Variants in MYO16 observed in about 807,000 individuals in gnomAD.
The protein encoded by MYO16 is unconventional myosin-XVI.
A neutral mutation model predicts 205.3 loss-of-function variants in MYO16; 94 were observed. The observed-to-expected ratio is 0.46, with a 90% CI of 0.39 to 0.54. MYO16 has a LOEUF of 0.54. MYO16 is among the 20% of genes least tolerant of loss of function. MYO16 has a pLI of 0.00. For synonymous variants in MYO16, 988 were observed against 954.0 expected, an observed-to-expected ratio of 1.04 and a Z score of -0.66; for missense variants, 2,315 against 2,387.5, an observed-to-expected ratio of 0.97 and a Z score of 0.63.
intron 16 of MYO16, among the ~76,000 whole-genome samples, chr13:108,954,293 A>C (rs944340767): frequency 2.6e-5 from 4 of 152,196 alleles, no homozygotes; most frequent in Non-Finnish European, 4.4e-5. Context: ...ACAGGAGCCA[A>C]TTGTTATTTG....
At chr13:108,566,096 A>G in the MYO16 span, among the ~76,000 whole-genome samples, 1 of 152,024 alleles carries the variant, frequency 6.6e-6, no homozygotes, top group Non-Finnish European at 1.5e-5. Flanking sequence ...AAGTTTGAGT[A>G]TGATTAGTAT....
At chr13:108,508,283 C>T in the MYO16 span, among the ~76,000 whole-genome samples, 14 of 149,016 alleles carry the variant, frequency 9.4e-5, no homozygotes, top group Admixed American at 2.0e-4. Context: ...CTTTCTTAGT[C>T]TTTATGGACT....
chr13:109,013,247 C>T (rs1290693917), intron 22 of MYO16, among the ~76,000 whole-genome samples: 2 of 151,726 alleles, frequency 1.3e-5, no homozygotes, highest in East Asian at 3.9e-4. Flanking sequence ...ATAGTTTGCT[C>T]AGAGTGATGG....
chr13:108,497,596 G>A, the MYO16 span, among the ~76,000 whole-genome samples: 6 of 152,176 alleles, frequency 3.9e-5, no homozygotes, highest in Non-Finnish European at 8.8e-5. Flanking sequence ...TTCATCTAGA[G>A]GGCAGAATGC....
At chr13:108,743,164 A>T (rs1207459507) in intron 4 of MYO16, among the ~76,000 whole-genome samples, 1 of 152,196 alleles carries the variant, frequency 6.6e-6, no homozygotes, top group African/African-American at 2.4e-5. Flanking sequence ...ATTTCTTTAA[A>T]TTGTGTAAAC....
chr13:108,683,331 G>T (rs1180688151), intron 2 of MYO16, among the ~76,000 whole-genome samples: 1 of 144,114 alleles, frequency 6.9e-6, no homozygotes, highest in Non-Finnish European at 1.5e-5. Flanking sequence ...CACAGGAGAA[G>T]CTTCCCTTTC....
Position 109,140,632 on chromosome 13 carries a change from C to T in MYO16, c.4420C>T (p.Leu1474Phe), listed in dbSNP as rs1389391617. The T allele has an allele frequency of 2.6e-6, 4 of 1,516,718 alleles. No homozygotes were observed. The highest frequency in any genetic ancestry group is 3.5e-6 in the Non-Finnish European group (4 of 1,136,984). 94.0% of individuals were successfully genotyped at this position (1,516,718 alleles called of 1,614,324 possible). A position where few individuals can be genotyped will look rare whatever the true frequency, so the allele number is the denominator to read the frequency against. ...CGGCCCGGGCGCGGGCTCCTTCCTG[C>T]TCCACGGCGCATCGCCGCCCCTGCT... Reference protein sequence around the residue: ...DGGPGAGSFLLHGASPPLLHR... With the variant: ...DGGPGAGSFLFHGASPPLLHR... The change falls in exon 32 of 35, where the codon CTC (leucine) becomes TTC (phenylalanine). Residue 1474 changes from leucine (L) to phenylalanine (F), a missense_variant. Leu to Phe is a conservative substitution (Grantham distance 22). Coordinates refer to ENST00000457511, the MANE Select transcript of MYO16 (RefSeq NM_001198950.3). This position sits in a 1 kb window ranked among gnomAD's most constrained non-coding sequence, Gnocchi z 8.0.
chr13:108,591,344 A>T (rs1220245929), upstream of MYO16, among the ~76,000 whole-genome samples: 5 of 152,210 alleles, frequency 3.3e-5, no homozygotes, highest in Non-Finnish European at 7.3e-5. Flanking sequence ...TTAAAAACAC[A>T]AGTTTTTCCT....
At chr13:108,776,764 C>T (rs7995663) in intron 4 of MYO16, among the ~76,000 whole-genome samples, 6,142 of 152,244 alleles carry the variant, frequency 0.04, 409 homozygotes, top group African/African-American at 0.14. Flanking sequence ...ATTTTTTATA[C>T]TTTACCAGCA....
At chr13:109,077,218 C>A (rs911006149) in intron 27 of MYO16, among the ~76,000 whole-genome samples, 1 of 152,034 alleles carries the variant, frequency 6.6e-6, no homozygotes, top group African/African-American at 2.4e-5. Context: ...CGGGATTTTG[C>A]GATGTTGGCC....
At chr13:109,143,238 A>G (rs1192504024) in intron 32 of MYO16, among the ~76,000 whole-genome samples, 2 of 152,148 alleles carry the variant, frequency 1.3e-5, no homozygotes, top group Non-Finnish European at 2.9e-5. Context: ...CAAAAACTAG[A>G]ACATCTAGAA....
chr13:108,882,441 C>T (rs1056401226), intron 12 of MYO16, among the ~76,000 whole-genome samples: 10 of 152,106 alleles, frequency 6.6e-5, no homozygotes, highest in Admixed American at 4.6e-4. Flanking sequence ...TTATTTTGTA[C>T]AATAAAAATA....
At position 108,974,207 on chromosome 13, in the gene MYO16, G is replaced by T. The variant is rs1419604634; in HGVS notation, c.2369+9305G>T. ...TTAATGTGCTTTTCGGGTATCCAAG[G>T]ATTTCAAATATAAGAGAATATTTTT... is the stretch of plus-strand genomic sequence containing the variant. On this transcript the variant is annotated intron_variant, in intron 20 of 34. Transcript: ENST00000457511. Among the ~76,000 whole-genome samples the T allele has an allele frequency of 2.6e-5, 4 of 152,088 alleles. No homozygotes were observed. The East Asian group carries it at 7.7e-4, about 29-fold the overall frequency.
chr13:108,523,762 T>C, the MYO16 span, among the ~76,000 whole-genome samples: 1 of 152,214 alleles, frequency 6.6e-6, no homozygotes, highest in African/African-American at 2.4e-5. Flanking sequence ...TGCCTCCTGT[T>C]CCAGGAACTT....
At chr13:108,537,368 A>G in the MYO16 span, among the ~76,000 whole-genome samples, 1 of 152,248 alleles carries the variant, frequency 6.6e-6, no homozygotes, top group Middle Eastern at 3.4e-3. Flanking sequence ...TCCATGATGT[A>G]TATTTTCCAC....
chr13:108,782,513 T>A (rs1321966238), intron 4 of MYO16, among the ~76,000 whole-genome samples: 1 of 152,134 alleles, frequency 6.6e-6, no homozygotes, highest in Non-Finnish European at 1.5e-5. Context: ...GAAAAACCCA[T>A]TTTTTGAGGA....
intron 15 of MYO16, among the ~76,000 whole-genome samples, chr13:108,907,847 G>A (rs1486585570): frequency 6.6e-6 from 1 of 152,168 alleles, no homozygotes; most frequent in Non-Finnish European, 1.5e-5. Flanking sequence ...GGCTGGGATA[G>A]ATGGGGGTTA....
the MYO16 span, among the ~76,000 whole-genome samples, chr13:108,542,014 A>C: frequency 6.6e-6 from 1 of 152,190 alleles, no homozygotes; most frequent in South Asian, 2.1e-4. Flanking sequence ...ATGCATGCTT[A>C]TGTTCATTGC....
chr13:108,577,408 A>G, the MYO16 span, among the ~76,000 whole-genome samples: 1 of 152,192 alleles, frequency 6.6e-6, no homozygotes, highest in African/African-American at 2.4e-5. Flanking sequence ...TATAATACAC[A>G]TAATAGAAGC....
Sources: allele counts gnomAD v4.1 joint callset (sites outside exome capture counted in the v4.1 genomes callset), GRCh38; gene constraint gnomAD v4.1.1; non-coding constraint Gnocchi (gnomAD v3.1); transcripts MANE v1.5; gene names NCBI Gene and HGNC (gene_info 2026-07-23, HGNC 2026-07-21).